The following MSRA variants were observed in gnomAD, a reference collection of about 807,000 sequenced individuals.
MSRA encodes mitochondrial peptide methionine sulfoxide reductase.
A neutral mutation model predicts 31.3 loss-of-function variants in MSRA; 54 were observed. The ratio of observed to expected loss-of-function variants is 1.73; its 90% CI spans 1.39 to 2.17. The LOEUF (loss-of-function observed/expected upper bound fraction) is 2.17. Ranked by LOEUF, MSRA falls within the 30% of genes most tolerant of loss-of-function variation. MSRA has a pLI of 0.00. For missense variants in MSRA, 507 were observed against 300.9 expected (o/e 1.69, Z -5.07); for synonymous variants, 169 against 116.5 (o/e 1.45, Z -2.90).
At chr8:10,324,180 G>A (rs762409813) in intron 5 of MSRA, among the ~76,000 whole-genome samples, 5 of 152,228 alleles carry the variant, frequency 3.3e-5, no homozygotes, top group Non-Finnish European at 7.3e-5. Context: ...ACTTGAAATA[G>A]TGGCTCACTG....
chr8:10,405,882 A>G (rs1807781343), intron 5 of MSRA, among the ~76,000 whole-genome samples: 1 of 152,186 alleles, frequency 6.6e-6, no homozygotes, highest in Non-Finnish European at 1.5e-5. Flanking sequence ...CACAATATTC[A>G]CACATGTTCA....
intron 5 of MSRA, among the ~76,000 whole-genome samples, chr8:10,375,127 T>A (rs568305039): frequency 6.6e-6 from 1 of 152,340 alleles, no homozygotes; most frequent in Admixed American, 6.5e-5. Flanking sequence ...CCTCAGGTAT[T>A]CCTTTATAGC....
chr8:10,081,576 G>GCCT (rs1798294742), intron 1 of MSRA, among the ~76,000 whole-genome samples: 1 of 152,106 alleles, frequency 6.6e-6, no homozygotes, highest in Admixed American at 6.5e-5. Context: ...TGCAACCTCC[G>GCCT]CCTCCCGGGT....
intron 1 of MSRA, among the ~76,000 whole-genome samples, chr8:10,075,669 C>G (rs1476785234): frequency 1.3e-5 from 2 of 152,194 alleles, no homozygotes; most frequent in African/African-American, 4.8e-5. Context: ...GTTTTATGTT[C>G]TAGCATCAAG....
chr8:10,413,236 A>G (rs997836149), intron 5 of MSRA, among the ~76,000 whole-genome samples: 1 of 152,210 alleles, frequency 6.6e-6, no homozygotes, highest in African/African-American at 2.4e-5. Flanking sequence ...GCTCTAGCGC[A>G]CACACAGCCC....
rs1034817660 is a variant in MSRA, at chr8:10,294,802, C to T, written c.332-6732C>T. 5.8e-4 allele frequency among the ~76,000 whole-genome samples: 88 copies of T among 152,100 alleles called. 1 individual carries two copies. The highest frequency in any genetic ancestry group is 1.5e-5 in the Non-Finnish European group (1 of 68,018). On this transcript the variant is annotated intron_variant, in intron 3 of 5. Coordinates refer to ENST00000317173, the MANE Select transcript of MSRA (RefSeq NM_012331.5). ...CTGAGGAACCAGTTGTTTGTCCTCC[C>T]CTAACCTTCCCCACAGCAGCACAGA...
intron 5 of MSRA, among the ~76,000 whole-genome samples, chr8:10,328,054 G>GTTTTTTT (rs1563356091): frequency 6.6e-4 from 39 of 58,914 alleles, no homozygotes; most frequent in African/African-American, 2.8e-3. Context: ...TTTTTTTTTA[G>GTTTTTTT]TATCAGTGAC....
At chr8:10,376,108 G>T (rs1449198640) in intron 5 of MSRA, among the ~76,000 whole-genome samples, 1 of 152,130 alleles carries the variant, frequency 6.6e-6, no homozygotes, top group African/African-American at 2.4e-5. Context: ...CCCTTTCTGG[G>T]TGGCCGACTC....
At chr8:10,328,830 G>A (rs904254391) in intron 5 of MSRA, among the ~76,000 whole-genome samples, 18 of 152,330 alleles carry the variant, frequency 1.2e-4, no homozygotes, top group African/African-American at 4.3e-4. Flanking sequence ...AAATCTTACT[G>A]TTGTGCAGTG....
At chr8:10,069,067 C>G (rs541241398) in intron 1 of MSRA, among the ~76,000 whole-genome samples, 13 of 152,242 alleles carry the variant, frequency 8.5e-5, no homozygotes, top group Admixed American at 5.2e-4. Context: ...ATTTCAAATT[C>G]CAGTTGTTCG....
intron 1 of MSRA, among the ~76,000 whole-genome samples, chr8:10,126,292 A>G (rs1400113299): frequency 6.6e-6 from 1 of 152,194 alleles, no homozygotes; most frequent in African/African-American, 2.4e-5. Flanking sequence ...TTTTTGTTAA[A>G]TGATACAAGC....
intron 5 of MSRA, among the ~76,000 whole-genome samples, chr8:10,371,757 C>T (rs969296353): frequency 5.3e-5 from 8 of 152,152 alleles, no homozygotes; most frequent in African/African-American, 1.7e-4. Context: ...AGCATAACCA[C>T]GTCTGCCTTC....
chr8:10,199,421 GT>G (rs749179794), intron 1 of MSRA, among the ~76,000 whole-genome samples: 3 of 152,130 alleles, frequency 2.0e-5, no homozygotes, highest in Non-Finnish European at 2.9e-5. Flanking sequence ...CCGGGTTCAA[GT>G]GATTCTCCTG....
chr8:10,267,255 T>A (rs74881719), intron 3 of MSRA, among the ~76,000 whole-genome samples: 2,969 of 152,302 alleles, frequency 0.019, 70 homozygotes, highest in African/African-American at 0.055. Flanking sequence ...CCAAACAATG[T>A]GGAGCACGGG....
chr8:10,389,820 T>G (rs1256472207), intron 5 of MSRA, among the ~76,000 whole-genome samples: 2 of 140,736 alleles, frequency 1.4e-5, no homozygotes, highest in African/African-American at 5.3e-5. Context: ...TTTAGAAGTC[T>G]CAGAAGACTT....
At chr8:10,082,876 A>G (rs545869961) in intron 1 of MSRA, among the ~76,000 whole-genome samples, 8 of 152,354 alleles carry the variant, frequency 5.3e-5, no homozygotes, top group South Asian at 2.1e-4. Flanking sequence ...TAGGAATTCA[A>G]TCAATATTTA....
chr8:10,383,169 C>T (rs1341674404), intron 5 of MSRA, among the ~76,000 whole-genome samples: 3 of 152,226 alleles, frequency 2.0e-5, no homozygotes, highest in East Asian at 3.8e-4. Flanking sequence ...GCCAACTCTG[C>T]TGCCATCTGG....
chr8:10,225,813 G>C (rs1283013594), intron 2 of MSRA, among the ~76,000 whole-genome samples: 1 of 152,208 alleles, frequency 6.6e-6, no homozygotes, highest in Non-Finnish European at 1.5e-5. Flanking sequence ...AAGGGAACTA[G>C]TGTTTACTGA....
chr8:10,237,691 G>T (rs907186768), intron 2 of MSRA, among the ~76,000 whole-genome samples: 1 of 152,132 alleles, frequency 6.6e-6, no homozygotes, highest in Non-Finnish European at 1.5e-5. Context: ...CATCCACAAG[G>T]TTCCCCACTT....
Sources: allele counts gnomAD v4.1 joint callset (sites outside exome capture counted in the v4.1 genomes callset), GRCh38; gene constraint gnomAD v4.1.1; transcripts MANE v1.5; gene names NCBI Gene and HGNC (gene_info 2026-07-23, HGNC 2026-07-21).